The following MBOAT2 variants were observed in gnomAD, a reference collection of about 807,000 sequenced individuals.
The protein encoded by MBOAT2 is membrane-bound glycerophospholipid O-acyltransferase 2.
MBOAT2 carries 28 observed loss-of-function variants against 63.4 expected under a neutral mutation model. The ratio of observed to expected loss-of-function variants is 0.44; its 90% CI spans 0.33 to 0.61. The LOEUF (loss-of-function observed/expected upper bound fraction) is 0.61. Ranked by LOEUF, MBOAT2 falls within the 20% of genes least tolerant of loss-of-function variation. The pLI is 0.03. For missense variants in MBOAT2, 470 were observed against 605.8 expected (o/e 0.78, Z 2.35); for synonymous variants, 211 against 215.6 (o/e 0.98, Z 0.19).
At position 8,928,327 on chromosome 2, in the gene MBOAT2, A is replaced by T. The variant is rs571446611; in HGVS notation, c.299+14860T>A. On this transcript the variant is annotated intron_variant, in intron 3 of 12. Coordinates refer to ENST00000305997, the MANE Select transcript of MBOAT2 (RefSeq NM_138799.4). ...TTCAGATAGAGCAGCACTAGACAAG[A>T]GAGTTAAAAGTGAGGGTGCAGAAAC... is the stretch of plus-strand genomic sequence containing the variant. 3.9e-5 allele frequency among the ~76,000 whole-genome samples: 6 copies of T among 152,210 alleles called. No individual in the cohort carries two copies. In the South Asian group the frequency reaches 1.0e-3, roughly 26 times the overall value.
intron 2 of MBOAT2, among the ~76,000 whole-genome samples, chr2:8,947,545 C>T (rs1668500484): frequency 1.3e-5 from 2 of 152,126 alleles, no homozygotes; most frequent in Non-Finnish European, 2.9e-5. Context: ...AAAGGACAGG[C>T]TAATGCAGCT....
intron 6 of MBOAT2, among the ~76,000 whole-genome samples, chr2:8,878,020 T>C (rs1395020292): frequency 6.6e-6 from 1 of 152,152 alleles, no homozygotes; most frequent in Non-Finnish European, 1.5e-5. Flanking sequence ...GTTTAAAAGA[T>C]CTGTCTCAAT....
intron 1 of MBOAT2, among the ~76,000 whole-genome samples, chr2:8,970,166 C>T (rs1043956538): frequency 6.6e-6 from 1 of 152,196 alleles, no homozygotes; most frequent in Non-Finnish European, 1.5e-5. Flanking sequence ...TTATAACAAA[C>T]TGTCTCTCAG....
intron 1 of MBOAT2, among the ~76,000 whole-genome samples, chr2:8,992,205 G>C (rs1375541443): frequency 6.6e-6 from 1 of 152,164 alleles, no homozygotes. Flanking sequence ...TGTTAAATTA[G>C]ATGCATCCAA....
Position 8,952,012 on chromosome 2 carries a change from T to C in MBOAT2, c.221+6485A>G, listed in dbSNP as rs987223292. 3.3e-5 allele frequency among the ~76,000 whole-genome samples: 5 copies of C among 152,238 alleles called. No individual in the cohort carries two copies. In the East Asian group the frequency reaches 9.6e-4, roughly 29 times the overall value. ...GTTTTTCTAGTTCCTCTAGGTGTGA[T>C]GTTAGATCATTAATTTGAGATCTAA... On this transcript the variant is annotated intron_variant, in intron 2 of 12. Coordinates refer to ENST00000305997, the MANE Select transcript of MBOAT2 (RefSeq NM_138799.4).
intron 3 of MBOAT2, among the ~76,000 whole-genome samples, chr2:8,915,394 C>T (rs900105899): frequency 3.9e-5 from 6 of 152,254 alleles, no homozygotes; most frequent in African/African-American, 1.2e-4. Context: ...GCTGCTGTAG[C>T]AGCCATCTTG....
At chr2:8,940,726 C>T (rs1667992221) in intron 3 of MBOAT2, among the ~76,000 whole-genome samples, 1 of 151,856 alleles carries the variant, frequency 6.6e-6, no homozygotes, top group Admixed American at 6.6e-5. Context: ...ACACGTGGGT[C>T]AATCAAAGCA....
At chr2:8,899,453 C>A (rs1451215267) in intron 4 of MBOAT2, among the ~76,000 whole-genome samples, 2 of 152,168 alleles carry the variant, frequency 1.3e-5, no homozygotes, top group East Asian at 3.9e-4. Flanking sequence ...GCGCCAGTGT[C>A]CAGGAGGAAG....
chr2:8,936,110 C>T (rs1667642662), intron 3 of MBOAT2, among the ~76,000 whole-genome samples: 1 of 152,184 alleles, frequency 6.6e-6, no homozygotes, highest in Non-Finnish European at 1.5e-5. Context: ...GCCTTTGGTA[C>T]ACCCTTCTTT....
Position 8,862,436 on chromosome 2 carries a change from A to T in MBOAT2, c.1185+154T>A. 1.5e-6 allele frequency: 2 copies of T among 1,314,862 alleles called. No individual in the cohort carries two copies. The highest frequency in any genetic ancestry group is 2.1e-6 in the Non-Finnish European group (2 of 962,652). 81.4% of individuals were successfully genotyped at this position (1,314,862 alleles called of 1,614,324 possible). A position where few individuals can be genotyped will look rare whatever the true frequency, so the allele number is the denominator to read the frequency against. ...GCCTAGCCCGTGGTGAGCGCTCAGC[A>T]AACATGCACGCAGTACACACCTCGC... On this transcript the variant is annotated intron_variant, in intron 11 of 12. Transcript: ENST00000305997. This position sits in a 1 kb window ranked among gnomAD's most constrained non-coding sequence, Gnocchi z 4.3.
intron 9 of MBOAT2, 148 bp downstream of exon 9, chr2:8,868,298 A>G (rs1662047487): frequency 1.6e-6 from 1 of 626,192 alleles, no homozygotes; most frequent in Non-Finnish European, 2.8e-6. Flanking sequence ...CACATAGTTG[A>G]CGACCAATAT....
At chr2:8,967,842 A>C (rs1039450105) in intron 1 of MBOAT2, among the ~76,000 whole-genome samples, 2 of 152,224 alleles carry the variant, frequency 1.3e-5, no homozygotes, top group Non-Finnish European at 2.9e-5. Context: ...ACTTCATCAC[A>C]TAAATATAAA....
intron 1 of MBOAT2, among the ~76,000 whole-genome samples, chr2:8,982,659 A>G (rs1455444996): frequency 1.3e-5 from 2 of 152,188 alleles, no homozygotes; most frequent in Non-Finnish European, 2.9e-5. Context: ...CTCAGATGTA[A>G]GATCTCCCCA....
Position 8,860,783 on chromosome 2 carries a change from A to G in MBOAT2, c.1186-19T>C. On this transcript the variant is annotated intron_variant, in intron 11 of 12. Coordinates refer to ENST00000305997, the MANE Select transcript of MBOAT2 (RefSeq NM_138799.4). ...TTCTCATCTGAAATAAAGAAACAAA[A>G]ACATTTGCTGTATCTTTAAATTAAC... 6.5e-7 allele frequency: 1 copy of G among 1,538,616 alleles called. No individual in the cohort carries two copies. Among genetic ancestry groups the G allele is most frequent in the South Asian group, 1.2e-5 (1 of 85,516 alleles).
At chr2:8,913,966 T>C (rs915433355) in intron 3 of MBOAT2, among the ~76,000 whole-genome samples, 19 of 152,340 alleles carry the variant, frequency 1.2e-4, no homozygotes, top group African/African-American at 4.1e-4. Context: ...CTGCGGTATA[T>C]ATATACGATG....
intron 3 of MBOAT2, among the ~76,000 whole-genome samples, chr2:8,938,572 GGCCACATTTCAT>G: frequency 6.7e-6 from 1 of 149,730 alleles, no homozygotes; most frequent in East Asian, 2.0e-4. Flanking sequence ...CTGTGTCTCA[GGCCACATTTCAT>G]GCCGTGTTTC....
At chr2:8,879,523 T>C (rs1662950151) in intron 6 of MBOAT2, among the ~76,000 whole-genome samples, 1 of 152,214 alleles carries the variant, frequency 6.6e-6, no homozygotes, top group Non-Finnish European at 1.5e-5. Flanking sequence ...ATTCATTCCA[T>C]TGCTATTTCA....
intron 3 of MBOAT2, among the ~76,000 whole-genome samples, chr2:8,941,112 A>C (rs1027762894): frequency 6.6e-6 from 1 of 152,218 alleles, no homozygotes; most frequent in Non-Finnish European, 1.5e-5. Flanking sequence ...GTGAAAAAGT[A>C]AAGTCATAGA....
intron 1 of MBOAT2, among the ~76,000 whole-genome samples, chr2:8,968,193 C>A (rs143407109): frequency 0.028 from 4,289 of 152,102 alleles, 203 homozygotes; most frequent in African/African-American, 0.097. Context: ...TCCAGAGGAA[C>A]GATCAGGCAG....
Sources: gnomAD v4.1 joint callset for allele counts (sites outside exome capture counted in the v4.1 genomes callset) on GRCh38, gnomAD v4.1.1 for gene constraint, Gnocchi (gnomAD v3.1) non-coding constraint, MANE v1.5 for transcripts, NCBI Gene and HGNC (gene_info 2026-07-23, HGNC 2026-07-21) for gene names.